PDLIM5: variants seen among roughly 807,000 people sequenced by gnomAD.
The protein encoded by PDLIM5 is PDZ and LIM domain 5, also known as PDZ and LIM domain protein 5.
A neutral mutation model predicts 64.2 loss-of-function variants in PDLIM5; 34 were observed. The observed-to-expected ratio is 0.53, with a 90% CI of 0.40 to 0.71. The LOEUF (loss-of-function observed/expected upper bound fraction) is 0.71, where lower values mean the gene tolerates loss of function less well. Among genes scored for constraint, PDLIM5 ranks in the 30% least tolerant of loss-of-function variants. The pLI is 0.00. For missense variants in PDLIM5, 683 were observed against 733.6 expected (o/e 0.93, Z 0.80); for synonymous variants, 253 against 269.1 (o/e 0.94, Z 0.59).
intron 8 of PDLIM5, among the ~76,000 whole-genome samples, chr4:94,622,960 C>A (rs57569167): frequency 6.6e-6 from 1 of 151,950 alleles, no homozygotes; most frequent in Non-Finnish European, 1.5e-5. Context: ...TAAGCCACCA[C>A]GCCCGGCCTC....
At chr4:94,596,380 G>T (rs987129331) in intron 7 of PDLIM5, among the ~76,000 whole-genome samples, 1 of 152,076 alleles carries the variant, frequency 6.6e-6, no homozygotes, top group Non-Finnish European at 1.5e-5. Context: ...CAGACCGGTA[G>T]TCCTTCTCTT....
chr4:94,604,888 A>C (rs571635198), intron 7 of PDLIM5, among the ~76,000 whole-genome samples: 1 of 152,196 alleles, frequency 6.6e-6, no homozygotes, highest in Non-Finnish European at 1.5e-5. Context: ...GAGGAATGCA[A>C]ATTGTCCATT....
rs771478401 is a variant in PDLIM5, at chr4:94,575,938, G to A, written c.614G>A (p.Arg205Gln). The A allele has an allele frequency of 7.4e-6, 12 of 1,614,068 alleles. No homozygotes were observed. The highest frequency in any genetic ancestry group is 3.3e-5 in the South Asian group (3 of 91,076). Residue 205 changes from arginine to glutamine, a missense_variant, in exon 5 of 13, where the codon CGG becomes CAG. Coordinates refer to ENST00000317968, the MANE Select transcript of PDLIM5 (RefSeq NM_006457.5). ...GGTAAAACTGCAGTTAATGTCCCAC[G>A]GCAGCCCACAGTCACCAGCGTGTGT... ...SAGKTAVNVP[R>Q]QPTVTSVCSE...
chr4:94,466,292 G>A (rs1323682092), intron 2 of PDLIM5, among the ~76,000 whole-genome samples: 1 of 152,156 alleles, frequency 6.6e-6, no homozygotes, highest in African/African-American at 2.4e-5. Flanking sequence ...CCAGAGAATA[G>A]ATCCTAGAGA....
Position 94,575,875 on chromosome 4 carries a change from A to G in PDLIM5, c.551A>G (p.Asn184Ser), listed in dbSNP as rs111914798. The G allele has an allele frequency of 2.3e-5, 37 of 1,614,110 alleles. No homozygotes were observed. Among genetic ancestry groups the G allele is most frequent in the South Asian group, 4.4e-5 (4 of 91,082 alleles). ...FAASGLHANA[N>S]LSADQSPSAL... ...GCATCTGGACTGCATGCTAATGCCA[A>G]TCTTAGTGCTGACCAGTCTCCATCT... Residue 184 changes from asparagine to serine, a missense_variant, in exon 5 of 13, where the codon AAT becomes AGT. Physicochemically the swap from Asn to Ser is conservative, Grantham distance 46. Coordinates refer to ENST00000317968, the MANE Select transcript of PDLIM5 (RefSeq NM_006457.5).
At chr4:94,524,618 T>C (rs1330059337) in intron 3 of PDLIM5, among the ~76,000 whole-genome samples, 1 of 152,072 alleles carries the variant, frequency 6.6e-6, no homozygotes, top group Non-Finnish European at 1.5e-5. Context: ...CTTATTGCTT[T>C]CTAAAGTCAC....
intron 3 of PDLIM5, among the ~76,000 whole-genome samples, chr4:94,569,943 TC>T (rs1734668829): frequency 6.6e-6 from 1 of 152,154 alleles, no homozygotes; most frequent in African/African-American, 2.4e-5. Flanking sequence ...CTTATTTTCT[TC>T]CTTTCTTCCA....
chr4:94,493,088 A>G (rs1353748875), intron 2 of PDLIM5, among the ~76,000 whole-genome samples: 1 of 151,894 alleles, frequency 6.6e-6, no homozygotes, highest in African/African-American at 2.4e-5. Flanking sequence ...TTGTGCTTTT[A>G]TTTGCATTTT....
intron 2 of PDLIM5, among the ~76,000 whole-genome samples, chr4:94,471,453 A>C (rs562344169): frequency 2.0e-5 from 3 of 152,082 alleles, no homozygotes; most frequent in Admixed American, 2.0e-4. Context: ...ATCTGTAAAC[A>C]TTATATTATC....
intron 8 of PDLIM5, among the ~76,000 whole-genome samples, chr4:94,625,048 G>A (rs1230634297): frequency 6.6e-6 from 1 of 152,190 alleles, no homozygotes; most frequent in Non-Finnish European, 1.5e-5. Context: ...ATTGCCCTGG[G>A]CAGTGGCAGT....
intron 2 of PDLIM5, among the ~76,000 whole-genome samples, chr4:94,518,660 T>C (rs2110122553): frequency 6.6e-6 from 1 of 152,342 alleles, no homozygotes; most frequent in Non-Finnish European, 1.5e-5. Context: ...ATGTATATTA[T>C]TTTAAATGCA....
In PDLIM5 at chr4:94,560,646, T is replaced by G. The variant is rs74535728; in HGVS notation, c.249-12705T>G. Reference sequence around the variant, plus strand: ...GGTGCTAGGGTTAGAATCTGGGCAGTCTGCTTTTAGCTCTGGAATACTGGA... The same window carrying G: ...GGTGCTAGGGTTAGAATCTGGGCAGGCTGCTTTTAGCTCTGGAATACTGGA... On this transcript the variant is annotated intron_variant, in intron 3 of 12. Transcript: ENST00000317968. 6.3e-3 allele frequency among the ~76,000 whole-genome samples: 958 copies of G among 152,304 alleles called. 14 individuals carry two copies. Among genetic ancestry groups the G allele is most frequent in the African/African-American group, 0.02 (847 of 41,564 alleles).
chr4:94,584,825 G>A (rs1016512706), intron 5 of PDLIM5: 15 of 555,720 alleles, frequency 2.7e-5, no homozygotes, highest in Non-Finnish European at 4.5e-5. Flanking sequence ...TCTGTGTTTC[G>A]TATGGCATAC....
At chr4:94,464,097 A>C (rs990536716) in intron 2 of PDLIM5, among the ~76,000 whole-genome samples, 2 of 152,192 alleles carry the variant, frequency 1.3e-5, no homozygotes, top group African/African-American at 4.8e-5. Context: ...GAAAGGAGGA[A>C]TTTCTCTTTA....
chr4:94,656,785 C>T, intron 10 of PDLIM5: 1 of 151,774 alleles, frequency 6.6e-6, no homozygotes, highest in Non-Finnish European at 1.5e-5. Flanking sequence ...CAGGCACCCA[C>T]CACCACGCCC....
At chr4:94,626,524 G>A (rs776059110) in intron 8 of PDLIM5, among the ~76,000 whole-genome samples, 1 of 152,138 alleles carries the variant, frequency 6.6e-6, no homozygotes, top group African/African-American at 2.4e-5. Context: ...ATCTGTTAGG[G>A]ATGGGATAGA....
At chr4:94,626,977 T>C (rs1274657269) in intron 8 of PDLIM5, among the ~76,000 whole-genome samples, 3 of 152,224 alleles carry the variant, frequency 2.0e-5, no homozygotes, top group Non-Finnish European at 4.4e-5. Context: ...ATTGTAGGCT[T>C]TGCACTACAG....
intron 2 of PDLIM5, among the ~76,000 whole-genome samples, chr4:94,461,368 TA>T (rs1442199370): frequency 6.6e-6 from 1 of 152,184 alleles, no homozygotes; most frequent in African/African-American, 2.4e-5. Context: ...GAGAAAACAT[TA>T]AGTAACTAAA....
At chr4:94,489,255 T>G (rs1264719104) in intron 2 of PDLIM5, among the ~76,000 whole-genome samples, 2 of 152,204 alleles carry the variant, frequency 1.3e-5, no homozygotes, top group Non-Finnish European at 2.9e-5. Context: ...TATGTCAGTC[T>G]GGAATACTTT....
Sources: gnomAD v4.1 joint callset for allele counts (sites outside exome capture counted in the v4.1 genomes callset) on GRCh38, gnomAD v4.1.1 for gene constraint, MANE v1.5 for transcripts, NCBI Gene and HGNC (gene_info 2026-07-23, HGNC 2026-07-21) for gene names.